GBF1: variants seen among roughly 807,000 people sequenced by gnomAD.
The protein encoded by GBF1 is Golgi-specific brefeldin A-resistance guanine nucleotide exchange factor 1.
Under a neutral mutation model 210.5 loss-of-function variants are expected in GBF1, and 114 were observed. The observed-to-expected ratio is 0.54, with a 90% CI of 0.47 to 0.63. GBF1 has a LOEUF of 0.63. Among genes scored for constraint, GBF1 ranks in the 30% least tolerant of loss-of-function variants. GBF1 has a pLI of 0.00. For synonymous variants in GBF1, 850 were observed against 889.2 expected (o/e 0.96, Z 0.78); for missense variants, 1,851 against 2,357.7 (o/e 0.79, Z 4.45).
chr10:102,293,764 G>GTTTTTTTTTTTTTTTT lies in GBF1; in HGVS notation c.163+33652_163+33653insTTTTTTTTTTTTTTTT, dbSNP rs1263151407. Among the ~76,000 whole-genome samples the GTTTTTTTTTTTTTTTT allele has an allele frequency of 3.7e-3, 189 of 50,882 alleles. 66 individuals are homozygous for GTTTTTTTTTTTTTTTT. Among genetic ancestry groups the GTTTTTTTTTTTTTTTT allele is most frequent in the Non-Finnish European group, 5.4e-3 (128 of 23,608 alleles). 33.4% of individuals were successfully genotyped at this position (50,882 alleles called of 152,430 possible). On this transcript the variant is annotated intron_variant, in intron 3 of 39. Coordinates refer to ENST00000369983, the MANE Select transcript of GBF1 (RefSeq NM_001377137.1). ...AAAATATTTTGTACAGCTGTAGTATGTTTTGTGTTTTTTTTTTTTTTTTTT... is the reference window on the plus strand; with the variant it reads ...AAAATATTTTGTACAGCTGTAGTATGTTTTTTTTTTTTTTTTTTTTGTGTTTTTTTTTTTTTTTTTT...
the GBF1 span, chr10:102,232,124 A>T: frequency 3.2e-6 from 4 of 1,245,116 alleles, no homozygotes; most frequent in East Asian, 9.5e-5. Context: ...GACCAGGGTA[A>T]TGGGGGTAAA....
chr10:102,304,339 G>T (rs556511560), intron 3 of GBF1, among the ~76,000 whole-genome samples: 3 of 152,122 alleles, frequency 2.0e-5, no homozygotes, highest in Non-Finnish European at 4.4e-5. Context: ...CAAAGACTTC[G>T]AATGCCGTAT....
the GBF1 span, among the ~76,000 whole-genome samples, chr10:102,238,094 T>G: frequency 6.6e-6 from 1 of 152,106 alleles, no homozygotes; most frequent in Non-Finnish European, 1.5e-5. Context: ...AAAGGAGAGA[T>G]AGAGTTTTGA....
rs186983598 is a variant in GBF1, at chr10:102,380,547, G to A, written c.5034G>A (p.Val1678=). The A allele has an allele frequency of 2.3e-5, 37 of 1,613,990 alleles. No individual in the cohort carries two copies. The East Asian group carries it at 5.8e-4, about 25-fold the overall frequency. The part of the protein sequence containing the change: ...IPESLKNMLL[V]MDTAEIFHSA... The stretch of plus-strand genomic sequence containing the variant: ...AGTCTCTGAAGAACATGCTTCTGGT[G>A]ATGGACACAGCGGAGATTTTCCACA... Residue 1678 remains valine (V), a synonymous_variant, in exon 38 of 40, where the codon GTG becomes GTA. Transcript: ENST00000369983.
At position 102,359,267 on chromosome 10, in the gene GBF1, C is replaced by G. The variant is rs2059457656; in HGVS notation, c.1012C>G (p.Gln338Glu). The change falls in exon 11 of 40, where the codon CAG (glutamine) becomes GAG (glutamate). Residue 338 changes from glutamine to glutamate, a missense_variant and splice_region_variant. By Grantham distance (29) the Gln-to-Glu change is conservative. Around this residue, in one of 3 missense-constraint regions of GBF1, gnomAD observed 804 missense variants for 958.6 expected, o/e 0.84. Coordinates refer to ENST00000369983, the MANE Select transcript of GBF1 (RefSeq NM_001377137.1). ...LGVPEQPDLQ[Q>E]EGTHVEKSQS... ...CATATCTCCCTGCTACTGGTCATAGCAGGAAGGGACCCATGTGGAAAAGTC... is the reference window on the plus strand; with the variant it reads ...CATATCTCCCTGCTACTGGTCATAGGAGGAAGGGACCCATGTGGAAAAGTC... 1.2e-6 allele frequency: 2 copies of G among 1,608,084 alleles called. No individual in the cohort carries two copies. The highest frequency in any genetic ancestry group is 1.7e-6 in the Non-Finnish European group (2 of 1,174,518).
At position 102,382,084 on chromosome 10, in the gene GBF1, C is replaced by T. The variant is rs539789496; in HGVS notation, c.5331C>T (p.Ala1777=). The change falls in exon 40 of 40, where the codon GCC becomes GCT. Residue 1777 remains alanine, a synonymous_variant. Transcript: ENST00000369983. ...CDFEKPESPR[A]ASSSSPGSPV... ...TTGAGAAGCCCGAGAGCCCCCGAGC[C>T]GCCAGCAGCAGCTCCCCAGGATCAC... 42 of 1,563,694 alleles carry T rather than the reference C, an allele frequency of 2.7e-5. 1 individual carries two copies. In the South Asian group the frequency reaches 3.7e-4, roughly 14 times the overall value.
chr10:102,370,967 G>A, intron 29 of GBF1, 107 bp downstream of exon 29: 1 of 1,099,672 alleles, frequency 9.1e-7, no homozygotes, highest in Non-Finnish European at 1.3e-6. Flanking sequence ...GTGCCCCATA[G>A]CATGAGTCCA....
At chr10:102,350,459 T>C (rs966875900) in intron 4 of GBF1, among the ~76,000 whole-genome samples, 3 of 152,088 alleles carry the variant, frequency 2.0e-5, no homozygotes, top group Admixed American at 1.3e-4. Context: ...CAGTTGCGCC[T>C]GAACACAAAA....
intron 4 of GBF1, among the ~76,000 whole-genome samples, chr10:102,349,682 C>G (rs1565142540): frequency 6.6e-6 from 1 of 152,184 alleles, no homozygotes; most frequent in South Asian, 2.1e-4. Context: ...TGCCCTTTCC[C>G]CCTACTTAGG....
chr10:102,346,334 G>T (rs2058570492), intron 4 of GBF1, among the ~76,000 whole-genome samples: 1 of 152,056 alleles, frequency 6.6e-6, no homozygotes, highest in South Asian at 2.1e-4. Context: ...GGAATTTCTG[G>T]ATTAAAGACC....
At chr10:102,316,690 A>G (rs1346331145) in intron 3 of GBF1, among the ~76,000 whole-genome samples, 1 of 152,232 alleles carries the variant, frequency 6.6e-6, no homozygotes. Flanking sequence ...ATCCTTTTAG[A>G]TAGATAGACA....
At chr10:102,231,311 T>C in the GBF1 span, among the ~76,000 whole-genome samples, 1 of 151,728 alleles carries the variant, frequency 6.6e-6, no homozygotes, top group Non-Finnish European at 1.5e-5. Flanking sequence ...GGCGCCAGGG[T>C]CTGGCGGGAC....
intron 3 of GBF1, among the ~76,000 whole-genome samples, chr10:102,338,263 CAG>C (rs1382029636): frequency 1.8e-5 from 2 of 109,984 alleles, no homozygotes; most frequent in Admixed American, 1.0e-4. Context: ...TTTTTTGAGA[CAG>C]AGTCTCCTTC....
rs762778249 is a variant in GBF1, at chr10:102,382,160, C to T, written c.5407C>T (p.Pro1803Ser). The T allele has an allele frequency of 1.9e-6, 3 of 1,613,616 alleles. No individual in the cohort carries two copies. The highest frequency in any genetic ancestry group is 1.7e-6 in the Non-Finnish European group (2 of 1,179,630). ...GAGCCCCACCCCCGACGGGCCTCCA[C>T]CCTTGGCTCAGCCCCCACTGATCCT... ...RLSPTPDGPP[P>S]LAQPPLILQP... The change falls in exon 40 of 40, where the codon CCC becomes TCC. Residue 1803 changes from proline (P) to serine (S), a missense_variant. Transcript: ENST00000369983.
intron 3 of GBF1, among the ~76,000 whole-genome samples, chr10:102,324,736 G>A (rs1189729187): frequency 5.3e-5 from 8 of 152,100 alleles, no homozygotes; most frequent in South Asian, 2.1e-4. Context: ...ACAGGCGCCC[G>A]CCACCACGGC....
chr10:102,339,101 G>A (rs1296392221), intron 3 of GBF1, among the ~76,000 whole-genome samples: 3 of 152,102 alleles, frequency 2.0e-5, no homozygotes, highest in African/African-American at 7.2e-5. Flanking sequence ...GGTGGCTCAC[G>A]CCTATAATCC....
intron 3 of GBF1, among the ~76,000 whole-genome samples, chr10:102,277,848 T>C (rs931130777): frequency 6.6e-5 from 10 of 152,166 alleles, no homozygotes; most frequent in Admixed American, 5.2e-4. Flanking sequence ...GTTTTTTTTT[T>C]CCCCTTCAGC....
intron 13 of GBF1, 66 bp downstream of exon 13, chr10:102,361,186 G>C (rs2059582896): frequency 1.2e-6 from 1 of 850,258 alleles, no homozygotes; most frequent in Non-Finnish European, 2.1e-6. Flanking sequence ...ATCTTCAGTG[G>C]GGCCAGCTCT....
At chr10:102,350,668 T>TCTCA (rs1192132851) in intron 4 of GBF1, among the ~76,000 whole-genome samples, 2 of 152,158 alleles carry the variant, frequency 1.3e-5, no homozygotes, top group African/African-American at 2.4e-5. Flanking sequence ...ACTGGGGTCT[T>TCTCA]GTTAGAAACA....
Sources: gnomAD v4.1 joint callset for allele counts (sites outside exome capture counted in the v4.1 genomes callset) on GRCh38, gnomAD v4.1.1 for gene constraint, gnomAD v4.1.1 regional missense constraint, MANE v1.5 for transcripts, NCBI Gene and HGNC (gene_info 2026-07-23, HGNC 2026-07-21) for gene names.